The following RIMS2 variants were observed in gnomAD, a reference collection of about 807,000 sequenced individuals.
RIMS2 encodes regulating synaptic membrane exocytosis 2.
Under a neutral mutation model 174.4 loss-of-function variants are expected in RIMS2, and 59 were observed. The observed-to-expected ratio is 0.34, with a 90% CI of 0.27 to 0.42. The LOEUF is 0.42. Ranked by LOEUF, RIMS2 falls within the 10% of genes least tolerant of loss-of-function variation. RIMS2 has a pLI of 1.00. For missense variants in RIMS2, 1,620 were observed against 1,666.3 expected (o/e 0.97, Z 0.48); for synonymous variants, 606 against 572.5 (o/e 1.06, Z -0.84).
intron 1 of RIMS2, among the ~76,000 whole-genome samples, chr8:103,681,066 A>C (rs1341347596): frequency 6.6e-6 from 1 of 152,062 alleles, no homozygotes; most frequent in East Asian, 1.9e-4. Context: ...ATGGATGAAT[A>C]AAATGTGATT....
intron 3 of RIMS2, among the ~76,000 whole-genome samples, chr8:103,850,983 A>T (rs1158905690): frequency 6.6e-6 from 1 of 152,030 alleles, no homozygotes; most frequent in Non-Finnish European, 1.5e-5. Flanking sequence ...GCTAAAGAAT[A>T]TCCTATTCAC....
intron 2 of RIMS2, among the ~76,000 whole-genome samples, chr8:103,756,996 TGTGTGTGTGTGTGTGAGAGA>T (rs1452636386): frequency 3.5e-5 from 5 of 141,648 alleles, no homozygotes; most frequent in African/African-American, 1.4e-4. Flanking sequence ...TGTGTGTGTG[TGTGTGTGTGTGTGTGAGAGA>T]GAGAGAGAGA....
At chr8:103,548,893 A>T (rs962666868) in intron 1 of RIMS2, among the ~76,000 whole-genome samples, 2 of 152,208 alleles carry the variant, frequency 1.3e-5, no homozygotes, top group Admixed American at 6.5e-5. Context: ...GCTGAAAGCC[A>T]AGTCAAGAAT....
intron 1 of RIMS2, among the ~76,000 whole-genome samples, chr8:103,561,525 CT>C (rs2091590253): frequency 6.6e-6 from 1 of 152,140 alleles, no homozygotes; most frequent in African/African-American, 2.4e-5. Context: ...ATTACCAGTT[CT>C]TACCCATCGA....
intron 3 of RIMS2, among the ~76,000 whole-genome samples, chr8:103,789,809 G>GT (rs1305607204): frequency 1.4e-5 from 2 of 145,728 alleles, no homozygotes; most frequent in Admixed American, 1.4e-4. Flanking sequence ...GCTGGAGGAC[G>GT]GTAGCACAGT....
intron 19 of RIMS2, among the ~76,000 whole-genome samples, chr8:104,140,423 T>C (rs1163390366): frequency 6.6e-6 from 1 of 152,150 alleles, no homozygotes; most frequent in Non-Finnish European, 1.5e-5. Flanking sequence ...TTTTCACTCA[T>C]ATTTGTACCC....
At chr8:103,745,795 A>G (rs752299736) in intron 2 of RIMS2, among the ~76,000 whole-genome samples, 8 of 152,122 alleles carry the variant, frequency 5.3e-5, no homozygotes, top group Non-Finnish European at 7.4e-5. Flanking sequence ...TCCTTTGTCC[A>G]TTTAAGGTTG....
rs542905242 is a variant in RIMS2 at position 104,192,472 on chromosome 8, A to G, written c.3335-52444A>G. Among the ~76,000 whole-genome samples the G allele has an allele frequency of 2.0e-5, 3 of 152,206 alleles. No homozygotes were observed. The East Asian group carries it at 5.8e-4, about 29-fold the overall frequency. On this transcript the variant is annotated intron_variant, in intron 19 of 23. Transcript: ENST00000504942. ...TAATATTTCTTGTTATTTGAGCAGT[A>G]GTGTTTCTTTATCATTGTGATACAA...
intron 1 of RIMS2, among the ~76,000 whole-genome samples, chr8:103,576,730 T>G (rs1306054442): frequency 6.6e-6 from 1 of 152,112 alleles, no homozygotes; most frequent in Non-Finnish European, 1.5e-5. Context: ...AACAGATATA[T>G]AGACCAATGG....
intron 1 of RIMS2, among the ~76,000 whole-genome samples, chr8:103,679,597 TGAAGAA>T (rs2096855159): frequency 6.6e-6 from 1 of 151,958 alleles, no homozygotes; most frequent in African/African-American, 2.4e-5. Flanking sequence ...AAATATGAAT[TGAAGAA>T]GTTTCATTAT....
intron 17 of RIMS2, among the ~76,000 whole-genome samples, chr8:104,009,452 C>T (rs1193770188): frequency 6.6e-6 from 1 of 151,878 alleles, no homozygotes; most frequent in African/African-American, 2.4e-5. Flanking sequence ...TGCCACCACA[C>T]CCGCTATTTT....
chr8:104,244,904 C>T lies in RIMS2; in HGVS notation c.3335-12C>T, dbSNP rs757678556. The stretch of plus-strand genomic sequence containing the variant: ...TACAAAGCTGTTACACTTTTTGTTT[C>T]TATCTCTGCAGAAGCAGGAGGTAAA... On this transcript the variant is annotated splice_polypyrimidine_tract_variant and intron_variant, in intron 19 of 23. Transcript: ENST00000504942. 1.2e-6 allele frequency: 2 copies of T among 1,609,286 alleles called. No individual in the cohort carries two copies. Among genetic ancestry groups the T allele is most frequent in the Middle Eastern group, 1.7e-4 (1 of 6,028 alleles).
chr8:103,783,729 T>A (rs1317552923), intron 3 of RIMS2, among the ~76,000 whole-genome samples: 1 of 151,706 alleles, frequency 6.6e-6, no homozygotes, highest in Non-Finnish European at 1.5e-5. Flanking sequence ...AATAAACATA[T>A]GTGTGCATGT....
chr8:103,526,971 G>GCCAAAACC (rs1017309448), intron 1 of RIMS2, among the ~76,000 whole-genome samples: 4 of 152,048 alleles, frequency 2.6e-5, no homozygotes, highest in Non-Finnish European at 5.9e-5. Context: ...CACAATAATG[G>GCCAAAACC]CCAAAACCCC....
intron 1 of RIMS2, among the ~76,000 whole-genome samples, chr8:103,550,204 G>C (rs1209050558): frequency 6.6e-6 from 1 of 151,984 alleles, no homozygotes; most frequent in South Asian, 2.1e-4. Flanking sequence ...ACATAGTTGG[G>C]AGTAAAGCAC....
At chr8:104,013,914 A>T (rs1243323438) in intron 18 of RIMS2, among the ~76,000 whole-genome samples, 1 of 152,204 alleles carries the variant, frequency 6.6e-6, no homozygotes. Flanking sequence ...CTACAGAATG[A>T]GAAACTATCT....
At chr8:103,769,564 G>A (rs1402898276) in intron 3 of RIMS2, among the ~76,000 whole-genome samples, 2 of 152,194 alleles carry the variant, frequency 1.3e-5, no homozygotes, top group Non-Finnish European at 2.9e-5. Context: ...GAACTGAGAT[G>A]ATCCACCCAC....
intron 1 of RIMS2, among the ~76,000 whole-genome samples, chr8:103,679,481 G>T (rs1426293): frequency 0.78 from 117,998 of 151,830 alleles, 46,203 homozygotes; most frequent in East Asian, 0.88. Context: ...AGGAGTAATA[G>T]AGGTAGTTAA....
At chr8:104,191,892 T>C (rs917342305) in intron 19 of RIMS2, among the ~76,000 whole-genome samples, 11 of 152,110 alleles carry the variant, frequency 7.2e-5, no homozygotes, top group African/African-American at 2.7e-4. Flanking sequence ...GGCAGAAGCC[T>C]CCGTGCCCAG....
Sources: gnomAD v4.1 joint callset for allele counts (sites outside exome capture counted in the v4.1 genomes callset) on GRCh38, gnomAD v4.1.1 for gene constraint, MANE v1.5 for transcripts, NCBI Gene and HGNC (gene_info 2026-07-23, HGNC 2026-07-21) for gene names.